MGA: variants seen among roughly 807,000 people sequenced by gnomAD.
MGA encodes MAX gene-associated protein.
In MGA, 40 loss-of-function variants were observed where a neutral mutation model predicts 261.1. The observed-to-expected ratio is 0.15, with a 90% CI of 0.12 to 0.20. The LOEUF (loss-of-function observed/expected upper bound fraction) is 0.20, where lower values mean the gene tolerates loss of function less well. MGA is among the 10% of genes least tolerant of loss of function. The pLI is 1.00. For missense variants in MGA, 3,397 were observed against 3,630.5 expected, an observed-to-expected ratio of 0.94 and a Z score of 1.65; for synonymous variants, 1,302 against 1,290.6, an observed-to-expected ratio of 1.01 and a Z score of -0.19.
intron 9 of MGA, 128 bp from the exon 10 acceptor site, chr15:41,727,052 G>A: frequency 3.1e-6 from 2 of 639,864 alleles, no homozygotes; most frequent in Non-Finnish European, 5.3e-6. Flanking sequence ...TGGGGAGGGG[G>A]TCGTCTATTT....
At chr15:41,762,619 A>T (rs575054834) in intron 22 of MGA, among the ~76,000 whole-genome samples, 2 of 151,254 alleles carry the variant, frequency 1.3e-5, no homozygotes, top group Admixed American at 6.6e-5. Context: ...AGCGAGCACC[A>T]CCATGCCCAA....
chr15:41,732,234 C>T (rs1018748003), intron 11 of MGA, among the ~76,000 whole-genome samples: 9 of 151,402 alleles, frequency 5.9e-5, no homozygotes, highest in Non-Finnish European at 1.0e-4. Flanking sequence ...CTGCAAGCTT[C>T]GCTTTCCAGT....
rs140091878 is a variant in MGA, at chr15:41,724,096, G to T, written c.3431-3084G>T. Among the ~76,000 whole-genome samples the T allele has an allele frequency of 4.7e-3, 715 of 152,042 alleles. 6 individuals are homozygous for T. Among genetic ancestry groups the T allele is most frequent in the Non-Finnish European group, 7.5e-3 (508 of 67,988 alleles). ...CTTAGAAAATCCTTAAAAGATTATT[G>T]ATAGAAGTCCAAGATGTCTTGCTTG... On this transcript the variant is annotated intron_variant, in intron 9 of 23. Coordinates refer to ENST00000219905, the MANE Select transcript of MGA (RefSeq NM_001164273.2).
chr15:41,657,513 C>A (rs1399409903), upstream of MGA, among the ~76,000 whole-genome samples: 3 of 151,844 alleles, frequency 2.0e-5, no homozygotes, highest in Non-Finnish European at 4.4e-5. Context: ...GCCACCATGC[C>A]CGGCTAATTT....
At chr15:41,680,142 A>G (rs2058591955) in intron 2 of MGA, among the ~76,000 whole-genome samples, 1 of 152,170 alleles carries the variant, frequency 6.6e-6, no homozygotes, top group African/African-American at 2.4e-5. Flanking sequence ...CCATGGTCCT[A>G]CTGTATTCCA....
chr15:41,711,320 G>A lies in MGA; in HGVS notation c.3055G>A (p.Val1019Ile). Reference sequence around the variant, plus strand: ...ATACATCACAGAAGAGCGAGCAGATGTATCCTTAACAACTCTACTTACAGC... The same window carrying A: ...ATACATCACAGAAGAGCGAGCAGATATATCCTTAACAACTCTACTTACAGC... Residue 1019 changes from valine to isoleucine, a missense_variant, in exon 8 of 24, where the codon GTA becomes ATA. By Grantham distance (29) the Val-to-Ile change is conservative (BLOSUM62 3). Around this residue, in one of 9 missense-constraint regions of MGA, gnomAD observed 519 missense variants for 554.1 expected, o/e 0.94. Coordinates refer to ENST00000219905, the MANE Select transcript of MGA (RefSeq NM_001164273.2). 2.5e-6 allele frequency: 4 copies of A among 1,611,800 alleles called. No homozygotes were observed. Among genetic ancestry groups the A allele is most frequent in the Non-Finnish European group, 3.4e-6 (4 of 1,178,978 alleles).
chr15:41,761,139 G>A (rs1555439897), intron 20 of MGA, among the ~76,000 whole-genome samples: 1 of 152,204 alleles, frequency 6.6e-6, no homozygotes, highest in Non-Finnish European at 1.5e-5. Context: ...GGTTAGCCAT[G>A]TTGACCACAT....
At chr15:41,639,509 A>C (rs1156302059) in intron 1 of MGA, among the ~76,000 whole-genome samples, 1 of 150,110 alleles carries the variant, frequency 6.7e-6, no homozygotes, top group Non-Finnish European at 1.5e-5. Context: ...AGTCAGGAGC[A>C]TGTAGTTTTT....
At chr15:41,673,967 C>G (rs1023966480) in intron 2 of MGA, among the ~76,000 whole-genome samples, 1 of 151,792 alleles carries the variant, frequency 6.6e-6, no homozygotes, top group Non-Finnish European at 1.5e-5. Flanking sequence ...TCTCGACTCA[C>G]GGAAACCTCC....
chr15:41,642,637 C>A (rs2056846403), intron 1 of MGA, among the ~76,000 whole-genome samples: 1 of 152,294 alleles, frequency 6.6e-6, no homozygotes, highest in South Asian at 2.1e-4. Context: ...GCGCATGCCA[C>A]CTCACCCAGC....
intron 12 of MGA, among the ~76,000 whole-genome samples, chr15:41,734,998 T>C (rs1318548816): frequency 6.6e-6 from 1 of 152,238 alleles, no homozygotes; most frequent in Non-Finnish European, 1.5e-5. Flanking sequence ...CAGAGGCTAC[T>C]GTCAGAATTA....
chr15:41,718,301 GTATATATATA>G, intron 9 of MGA: 1 of 192,872 alleles, frequency 5.2e-6, no homozygotes, highest in Non-Finnish European at 1.0e-5. Context: ...GTGTGTGTGT[GTATATATATA>G]TATATATATA....
chr15:41,666,627 A>C (rs997552326), intron 1 of MGA, among the ~76,000 whole-genome samples: 1 of 152,236 alleles, frequency 6.6e-6, no homozygotes, highest in African/African-American at 2.4e-5. Flanking sequence ...GGCATAATTT[A>C]CAACTCTTCT....
At position 41,696,686 on chromosome 15, in the gene MGA, G is replaced by C; in HGVS notation, c.1676G>C (p.Ser559Thr). The stretch of plus-strand genomic sequence containing the variant: ...TGGAAATATCCTGATATATCTGACA[G>C]CATTAGCACAGAAAGAATACTCGAC... Residue 559 changes from serine to threonine, a missense_variant, in exon 3 of 24, where the codon AGC becomes ACC. Ser to Thr is a moderately conservative substitution (Grantham distance 58). Around this residue, in one of 9 missense-constraint regions of MGA, gnomAD observed 563 missense variants for 563.6 expected, o/e 1.00. Transcript: ENST00000219905. 1 of 1,612,672 alleles carries C rather than the reference G, an allele frequency of 6.2e-7. No homozygotes were observed. The highest frequency in any genetic ancestry group is 8.5e-7 in the Non-Finnish European group (1 of 1,179,278).
At chr15:41,724,590 TGA>T (rs1157838766) in intron 9 of MGA, among the ~76,000 whole-genome samples, 1 of 152,156 alleles carries the variant, frequency 6.6e-6, no homozygotes, top group African/African-American at 2.4e-5. Context: ...GATGAGGCAG[TGA>T]GATGATCTCT....
intron 8 of MGA, among the ~76,000 whole-genome samples, chr15:41,712,922 A>T (rs954393575): frequency 1.3e-5 from 2 of 152,200 alleles, no homozygotes; most frequent in Admixed American, 1.3e-4. Flanking sequence ...TTTATATTGA[A>T]AATAAATCCA....
In MGA at chr15:41,750,193, G is replaced by A. The variant is rs760908968; in HGVS notation, c.6586G>A (p.Glu2196Lys). The change falls in exon 17 of 24, where the codon GAG becomes AAG. Residue 2196 changes from glutamate to lysine, a missense_variant. Physicochemically the swap from Glu to Lys is moderately conservative, Grantham distance 56. Transcript: ENST00000219905. ...TGGAGCTTCACAGGAATGTAAGAAA[G>A]AGGCAGACGAGCAGTTAATTAAAGA... The A allele has an allele frequency of 1.7e-5, 27 of 1,613,914 alleles. No individual in the cohort carries two copies. The highest frequency in any genetic ancestry group is 2.2e-5 in the Non-Finnish European group (26 of 1,179,888).
rs1317658581 is a variant in MGA at position 41,727,417 on chromosome 15, A to AATT, written c.3657+12_3657+14dup. On this transcript the variant is annotated intron_variant, in intron 10 of 23. Transcript: ENST00000219905. ...AAACCCAATCCTGTGGTAAGTCTGG[A>AATT]ATTTAATCTTTTATTACAAGTTACC... The AATT allele has an allele frequency of 6.2e-7, 1 of 1,601,796 alleles. No individual in the cohort carries two copies. Among genetic ancestry groups the AATT allele is most frequent in the Non-Finnish European group, 8.5e-7 (1 of 1,172,384 alleles).
At chr15:41,718,702 A>G (rs1175072457) in intron 9 of MGA, 2 of 216,078 alleles carry the variant, frequency 9.3e-6, no homozygotes, top group Non-Finnish European at 1.8e-5. Flanking sequence ...ATATTTTTGA[A>G]AGATTGACAA....
Sources: gnomAD v4.1 joint callset for allele counts (sites outside exome capture counted in the v4.1 genomes callset) on GRCh38, gnomAD v4.1.1 for gene constraint, gnomAD v4.1.1 regional missense constraint, MANE v1.5 for transcripts, NCBI Gene and HGNC (gene_info 2026-07-23, HGNC 2026-07-21) for gene names.